SEMA5B: variants seen among roughly 807,000 people sequenced by gnomAD.
SEMA5B encodes the protein semaphorin-5B.
Under a neutral mutation model 135.0 loss-of-function variants are expected in SEMA5B, and 66 were observed. The ratio of observed to expected loss-of-function variants is 0.49; its 90% CI spans 0.40 to 0.60. The LOEUF is 0.60. Ranked by LOEUF, SEMA5B falls within the 20% of genes least tolerant of loss-of-function variation. The pLI is 0.00. For synonymous variants in SEMA5B, 690 were observed against 639.5 expected, an observed-to-expected ratio of 1.08 and a Z score of -1.19; for missense variants, 1,501 against 1,566.3, an observed-to-expected ratio of 0.96 and a Z score of 0.70.
At chr3:122,930,282 T>C (rs913610030) in intron 5 of SEMA5B, among the ~76,000 whole-genome samples, 3 of 152,168 alleles carry the variant, frequency 2.0e-5, no homozygotes, top group Non-Finnish European at 2.9e-5. Context: ...GGAGGCTGAC[T>C]CCTGCACACC....
At chr3:122,944,613 C>T (rs895159400) in intron 3 of SEMA5B, among the ~76,000 whole-genome samples, 2 of 152,204 alleles carry the variant, frequency 1.3e-5, no homozygotes, top group African/African-American at 4.8e-5. Context: ...GGTCAGTGTC[C>T]ACCCTGCCTC....
chr3:122,922,014 C>A lies in SEMA5B; in HGVS notation c.1589G>T (p.Ser530Ile), dbSNP rs1426675792. The change falls in exon 12 of 23, where the codon AGC becomes ATC. Residue 530 changes from serine (S) to isoleucine (I), a missense_variant. Ser to Ile is a moderately radical substitution (Grantham distance 142). This residue lies in a region of SEMA5B where 927 missense variants were observed against 881.6 expected (regional missense o/e 1.05). Coordinates refer to ENST00000357599, the MANE Select transcript of SEMA5B (RefSeq NM_001031702.4). ...LPPGRREPLRSLRILHSARAL... is the reference protein window; with the variant it reads ...LPPGRREPLRILRILHSARAL... ...GCGGGCGCTGTGCAGGATGCGCAGG[C>A]TGCGCAGGGGCTCGCGGCGCCCGGG... 1.3e-6 allele frequency: 2 copies of A among 1,523,608 alleles called. No individual in the cohort carries two copies. The highest frequency in any genetic ancestry group is 1.8e-6 in the Non-Finnish European group (2 of 1,138,484). The allele number at this position is 1,523,608 out of a possible 1,614,324, so 94.4% of individuals were successfully genotyped here. A position where few individuals can be genotyped will look rare whatever the true frequency, so the allele number is the denominator to read the frequency against.
intron 1 of SEMA5B, among the ~76,000 whole-genome samples, chr3:123,015,670 G>A (rs953094238): frequency 2.0e-5 from 3 of 152,180 alleles, no homozygotes; most frequent in African/African-American, 7.2e-5. Context: ...GAGAGAAACA[G>A]ACTTCAGAGA....
In SEMA5B at chr3:123,005,837, T is replaced by C. The variant is rs74523923; in HGVS notation, c.-39+21627A>G. Among the ~76,000 whole-genome samples the C allele has an allele frequency of 5.1e-4, 78 of 152,284 alleles. 2 individuals are homozygous for C. The East Asian group carries it at 0.015, about 29-fold the overall frequency. ...AGGGGCCTGCCTACCATGCAGACTG[T>C]TTTTGTCTCCATCCCACCAATTCCT... On this transcript the variant is annotated intron_variant, in intron 1 of 22. Transcript: ENST00000357599.
At chr3:123,024,150 C>T (rs917586222) in intron 1 of SEMA5B, among the ~76,000 whole-genome samples, 5 of 152,210 alleles carry the variant, frequency 3.3e-5, no homozygotes, top group Admixed American at 3.3e-4. Context: ...TAATGAGTTG[C>T]TAACTCAGAT....
intron 12 of SEMA5B, 40 bp downstream of exon 12, chr3:122,921,875 C>T (rs2107637012): frequency 6.7e-7 from 1 of 1,498,902 alleles, no homozygotes. Flanking sequence ...AGCGCCTCCT[C>T]CGCAGTGGAG....
chr3:122,968,641 T>G (rs1491000390), intron 1 of SEMA5B, among the ~76,000 whole-genome samples: 1 of 152,182 alleles, frequency 6.6e-6, no homozygotes. Flanking sequence ...GATCTTCCTA[T>G]GGTTAATAAT....
intron 10 of SEMA5B, 141 bp from the exon 11 acceptor site, chr3:122,922,588 T>A: frequency 1.3e-6 from 1 of 744,230 alleles, no homozygotes; most frequent in Non-Finnish European, 2.2e-6. Flanking sequence ...GCATCCCTGC[T>A]GGGCGTCCTG....
chr3:122,937,292 C>A (rs1939340880), intron 5 of SEMA5B, among the ~76,000 whole-genome samples: 1 of 152,216 alleles, frequency 6.6e-6, no homozygotes, highest in Admixed American at 6.5e-5. Flanking sequence ...GCAGGGCAAC[C>A]CCTGAAGTTA....
chr3:122,967,073 G>A (rs971146866), intron 1 of SEMA5B, among the ~76,000 whole-genome samples: 6 of 151,164 alleles, frequency 4.0e-5, no homozygotes, highest in East Asian at 3.9e-4. Flanking sequence ...TAGTAGAGAC[G>A]GGGGTTTCTC....
intron 1 of SEMA5B, among the ~76,000 whole-genome samples, chr3:122,985,174 A>T (rs1460694636): frequency 3.3e-5 from 5 of 152,212 alleles, no homozygotes; most frequent in African/African-American, 1.2e-4. Context: ...ACTTATAAGT[A>T]CAGAGGAATT....
At chr3:123,014,639 T>C (rs548300523) in intron 1 of SEMA5B, among the ~76,000 whole-genome samples, 1 of 152,324 alleles carries the variant, frequency 6.6e-6, no homozygotes, top group South Asian at 2.1e-4. Flanking sequence ...TAGCAAATCC[T>C]TGGATCAATA....
intron 1 of SEMA5B, among the ~76,000 whole-genome samples, chr3:122,967,066 T>C (rs774186276): frequency 2.6e-5 from 4 of 151,482 alleles, no homozygotes; most frequent in Non-Finnish European, 5.9e-5. Flanking sequence ...GTATTTTTAG[T>C]AGAGACGGGG....
At chr3:122,971,558 G>C (rs1223773253) in intron 1 of SEMA5B, among the ~76,000 whole-genome samples, 2 of 152,252 alleles carry the variant, frequency 1.3e-5, no homozygotes, top group Non-Finnish European at 2.9e-5. Context: ...GATATTAACA[G>C]GTCTGCCAAG....
At position 122,979,011 on chromosome 3, in the gene SEMA5B, C is replaced by A. The variant is rs567249903; in HGVS notation, c.-38-17710G>T. Among the ~76,000 whole-genome samples, 192 of 152,254 alleles carry A rather than the reference C, an allele frequency of 1.3e-3. 2 individuals are homozygous for A. The highest frequency in any genetic ancestry group is 4.4e-3 in the African/African-American group (181 of 41,530). On this transcript the variant is annotated intron_variant, in intron 1 of 22. Transcript: ENST00000357599. ...TGCCCTGTGAGCCATCGCACAGTGGCTCCGAAGGCGGTTCAGAGAGGGAGA... is the reference window on the plus strand; with the variant it reads ...TGCCCTGTGAGCCATCGCACAGTGGATCCGAAGGCGGTTCAGAGAGGGAGA...
intron 1 of SEMA5B, among the ~76,000 whole-genome samples, chr3:122,970,078 C>T (rs1373156451): frequency 6.6e-6 from 1 of 152,142 alleles, no homozygotes; most frequent in African/African-American, 2.4e-5. Context: ...GCTCAGAAAC[C>T]ACACTTGCCC....
chr3:122,912,957 G>C lies in SEMA5B; in HGVS notation c.2611C>G (p.Leu871Val). 6.2e-7 allele frequency: 1 copy of C among 1,612,382 alleles called. No homozygotes were observed. Residue 871 changes from leucine (L) to valine (V), a missense_variant, in exon 18 of 23, where the codon CTG becomes GTG. Leu to Val is a conservative substitution (Grantham distance 32). Coordinates refer to ENST00000357599, the MANE Select transcript of SEMA5B (RefSeq NM_001031702.4). ...GTTCTCTTGCGGACGCGGAAGCCCA[G>C]CTCGCAGTCCCGGGAGCAGGACGAC... Reference protein sequence around the residue: ...PWSSCSRDCELGFRVRKRTCT... With the variant: ...PWSSCSRDCEVGFRVRKRTCT...
chr3:122,910,083 C>T lies in SEMA5B; in HGVS notation c.*60G>A, dbSNP rs1046596881. 3 of 1,570,094 alleles carry T rather than the reference C, an allele frequency of 1.9e-6. No individual in the cohort carries two copies. Among genetic ancestry groups the T allele is most frequent in the South Asian group, 1.2e-5 (1 of 83,626 alleles). ...GAAAACCAAACTGGCTCCACTGTCC[C>T]ATCTCCATCTGCTCTGTGCCTTATG... On this transcript the variant is annotated 3_prime_UTR_variant, in exon 23 of 23. Transcript: ENST00000357599.
At chr3:122,952,578 T>C (rs1411767389) in intron 2 of SEMA5B, among the ~76,000 whole-genome samples, 7 of 152,250 alleles carry the variant, frequency 4.6e-5, no homozygotes, top group African/African-American at 1.7e-4. Flanking sequence ...GGGCAGTACC[T>C]GGCAGACACT....
Sources: allele counts gnomAD v4.1 joint callset (sites outside exome capture counted in the v4.1 genomes callset), GRCh38; gene constraint gnomAD v4.1.1; regional missense constraint gnomAD v4.1.1; transcripts MANE v1.5; gene names NCBI Gene and HGNC (gene_info 2026-07-23, HGNC 2026-07-21).